The following SMIM7 variants were observed in gnomAD, a reference collection of about 807,000 sequenced individuals.
SMIM7 encodes UPF0608 protein C19orf42.
Under a neutral mutation model 13.3 loss-of-function variants are expected in SMIM7, and 12 were observed. The ratio of observed to expected loss-of-function variants is 0.90; its 90% CI spans 0.58 to 1.46. SMIM7 has a LOEUF of 1.46. Among genes scored for constraint, SMIM7 ranks in the 40% most tolerant of loss-of-function variants. The pLI, the probability that SMIM7 is intolerant of heterozygous loss-of-function variation, is 0.00. For missense variants in SMIM7, 114 were observed against 94.8 expected (o/e 1.20, Z -0.84); for synonymous variants, 36 against 35.8 (o/e 1.01, Z -0.02).
chr19:16,635,587 A>T (rs2086352557), intron 4 of SMIM7, among the ~76,000 whole-genome samples: 1 of 152,090 alleles, frequency 6.6e-6, no homozygotes, highest in South Asian at 2.1e-4. Context: ...ACAGAAGGCA[A>T]CATCAAGAGA....
At chr19:16,642,758 C>T (rs573297968), downstream of SMIM7, among the ~76,000 whole-genome samples, 3 of 150,366 alleles carry the variant, frequency 2.0e-5, no homozygotes, top group African/African-American at 7.3e-5. Flanking sequence ...GTGGGAGGAT[C>T]GTGGCTACAG....
At chr19:16,652,899 A>G in intron 4 of SMIM7, 2 of 1,550,622 alleles carry the variant, frequency 1.3e-6, no homozygotes, top group South Asian at 1.2e-5. Context: ...ATTCGTTAAC[A>G]GTAGTATCAG....
At chr19:16,638,345 A>G (rs1367004445) in intron 4 of SMIM7, among the ~76,000 whole-genome samples, 4 of 134,786 alleles carry the variant, frequency 3.0e-5, no homozygotes, top group Non-Finnish European at 6.1e-5. Flanking sequence ...CTCTTGCTGC[A>G]CAGGCTGGAG....
chr19:16,647,022 G>A lies in SMIM7; in HGVS notation c.*224C>T. 2 of 614,218 alleles carry A rather than the reference G, an allele frequency of 3.3e-6. No individual in the cohort carries two copies. The highest frequency in any genetic ancestry group is 2.0e-5 in the South Asian group (1 of 50,034). The allele number at this position is 614,218 out of a possible 1,614,324, so 38.0% of individuals were successfully genotyped here. A position where few individuals can be genotyped will look rare whatever the true frequency, so the allele number is the denominator to read the frequency against. On this transcript the variant is annotated 3_prime_UTR_variant, in exon 5 of 5. Transcript: ENST00000487416. Reference sequence around the variant, plus strand: ...AAACGCTCCTGAAACCCTTTCAGTAGACAGCATTTCAATTCAGAGACCAAA... The same window carrying A: ...AAACGCTCCTGAAACCCTTTCAGTAAACAGCATTTCAATTCAGAGACCAAA...
intron 4 of SMIM7, chr19:16,638,917 T>C (rs910396825): frequency 2.6e-5 from 4 of 152,264 alleles, no homozygotes; most frequent in African/African-American, 9.7e-5. Flanking sequence ...TCCAACTTGC[T>C]TTCTGCTGCA....
At chr19:16,652,929 G>A (rs1317688149) in intron 4 of SMIM7, 4 of 1,550,476 alleles carry the variant, frequency 2.6e-6, no homozygotes, top group African/African-American at 2.7e-5. Context: ...CCCAGTGCTA[G>A]ATGGAAAGGC....
chr19:16,659,520 A>G (rs935399194), intron 2 of SMIM7, 73 bp from the exon 3 acceptor site: 1 of 1,476,068 alleles, frequency 6.8e-7, no homozygotes, highest in South Asian at 1.2e-5. Flanking sequence ...CCCAGCTCAG[A>G]AGGCCACAAA....
In SMIM7 at chr19:16,647,102, G is replaced by C; in HGVS notation, c.*144C>G. 9.6e-7 allele frequency: 1 copy of C among 1,046,128 alleles called. No homozygotes were observed. The highest frequency in any genetic ancestry group is 1.5e-6 in the Non-Finnish European group (1 of 686,694). The allele number at this position is 1,046,128 out of a possible 1,614,324, so 64.8% of individuals were successfully genotyped here. A position where few individuals can be genotyped will look rare whatever the true frequency, so the allele number is the denominator to read the frequency against. ...GCTGGGAAACCATGCACACCTCGGC[G>C]AACACTTTTCCACCCACCACGAGCT... On this transcript the variant is annotated 3_prime_UTR_variant, in exon 5 of 5. Transcript: ENST00000487416.
intron 3 of SMIM7, among the ~76,000 whole-genome samples, chr19:16,655,563 C>A (rs561820150): frequency 1.3e-5 from 2 of 151,612 alleles, no homozygotes; most frequent in Non-Finnish European, 2.9e-5. Context: ...TGACTGTAAT[C>A]CCAGCTACTC....
intron 4 of SMIM7, among the ~76,000 whole-genome samples, chr19:16,632,512 GAAA>G (rs2086329231): frequency 6.7e-6 from 1 of 149,022 alleles, no homozygotes; most frequent in Non-Finnish European, 1.5e-5. Flanking sequence ...ACCAACGAAT[GAAA>G]AAAGTCATTA....
At chr19:16,651,609 GGA>G (rs2086526050) in intron 4 of SMIM7, among the ~76,000 whole-genome samples, 1 of 152,228 alleles carries the variant, frequency 6.6e-6, no homozygotes, top group Non-Finnish European at 1.5e-5. Context: ...TGGTCAAACA[GGA>G]GAGGATGATG....
intron 4 of SMIM7, among the ~76,000 whole-genome samples, chr19:16,648,388 G>A (rs769138923): frequency 4.6e-5 from 7 of 152,066 alleles, no homozygotes; most frequent in African/African-American, 7.2e-5. Context: ...TGATCCAACC[G>A]CCTCAGCCTC....
intron 4 of SMIM7, chr19:16,633,831 ATACATAC>A (rs2086339247): frequency 6.6e-6 from 1 of 152,248 alleles, no homozygotes; most frequent in African/African-American, 2.4e-5. Flanking sequence ...TTATTAAAAT[ATACATAC>A]TTATGCACAG....
chr19:16,632,221 C>A (rs2086327197), intron 4 of SMIM7, among the ~76,000 whole-genome samples: 2 of 151,972 alleles, frequency 1.3e-5, no homozygotes, highest in Non-Finnish European at 2.9e-5. Context: ...TCAACCCTAT[C>A]AGTTATCTCA....
rs536489461 is a variant in SMIM7 at position 16,651,731 on chromosome 19, C to T, written c.212+2304G>A. ...AACCATGCTGACTTCTTCCCTGCCC[C>T]AGGACCTTTGCAAAGACGAGAATGA... On this transcript the variant is annotated intron_variant, in intron 4 of 4. Transcript: ENST00000487416. 7.2e-5 allele frequency among the ~76,000 whole-genome samples: 11 copies of T among 151,746 alleles called. No individual in the cohort carries two copies. In the South Asian group the frequency reaches 1.3e-3, roughly 17 times the overall value.
chr19:16,632,554 T>C lies in SMIM7; in HGVS notation c.*138-830A>G, dbSNP rs1326547368. 9.2e-5 allele frequency among the ~76,000 whole-genome samples: 14 copies of C among 151,674 alleles called. No individual in the cohort carries two copies. In the East Asian group the frequency reaches 2.7e-3, roughly 29 times the overall value. On this transcript the variant is annotated intron_variant and NMD_transcript_variant, in intron 4 of 4. Coordinates refer to the SMIM7 transcript ENST00000465250. The stretch of plus-strand genomic sequence containing the variant: ...GTGAACATTTTTTTTTTTTTTTTTT[T>C]TGAGGCAGAGTCTCGCTTTGTTGCC...
chr19:16,643,589 G>A (rs1568299847), downstream of SMIM7, among the ~76,000 whole-genome samples: 1 of 151,958 alleles, frequency 6.6e-6, no homozygotes, highest in South Asian at 2.1e-4. Flanking sequence ...TAGAGATAGG[G>A]TTTCACCATA....
intron 3 of SMIM7, among the ~76,000 whole-genome samples, chr19:16,658,662 T>A (rs75694716): frequency 0.01 from 1,556 of 152,292 alleles, 10 homozygotes; most frequent in Non-Finnish European, 0.016. Context: ...AAATCTAATG[T>A]TGGCATCTAA....
At chr19:16,645,250 C>T (rs1334426141), downstream of SMIM7, 1 of 152,154 alleles carries the variant, frequency 6.6e-6, no homozygotes, top group Non-Finnish European at 1.5e-5. Context: ...TGAAACAAAA[C>T]CTCAATGACA....
Sources: allele counts gnomAD v4.1 joint callset (sites outside exome capture counted in the v4.1 genomes callset), GRCh38; gene constraint gnomAD v4.1.1; transcripts MANE v1.5; gene names NCBI Gene and HGNC (gene_info 2026-07-23, HGNC 2026-07-21).